Variants in GALNT14 observed in about 807,000 individuals in gnomAD.
GALNT14 encodes the protein UDP-GalNAc:polypeptide N-acetylgalactosaminyltransferase 14.
Under a neutral mutation model 77.5 loss-of-function variants are expected in GALNT14, and 60 were observed. That is an observed-to-expected ratio of 0.77 (90% CI 0.63 to 0.96). The LOEUF (loss-of-function observed/expected upper bound fraction) is 0.96. Among genes scored for constraint, GALNT14 ranks in the 40% least tolerant of loss-of-function variants. GALNT14 has a pLI of 0.00. For synonymous variants in GALNT14, 280 were observed against 281.7 expected (o/e 0.99, Z 0.06); for missense variants, 710 against 731.0 (o/e 0.97, Z 0.33).
At position 30,947,397 on chromosome 2, in the gene GALNT14, T is replaced by C. The variant is rs186387942; in HGVS notation, c.655-1527A>G. The stretch of plus-strand genomic sequence containing the variant: ...GGCCACCCCATCTACGGCATCAAAA[T>C]CATGCAGGAAACATTTTCAAAATAT... On this transcript the variant is annotated intron_variant, in intron 6 of 14. Transcript: ENST00000349752. Among the ~76,000 whole-genome samples the C allele has an allele frequency of 2.4e-4, 36 of 152,270 alleles. No homozygotes were observed. In the Middle Eastern group the frequency reaches 0.014, roughly 58 times the overall value.
At chr2:31,127,754 A>G (rs573416864) in intron 1 of GALNT14, among the ~76,000 whole-genome samples, 2 of 152,364 alleles carry the variant, frequency 1.3e-5, no homozygotes, top group South Asian at 4.1e-4. Flanking sequence ...GAGAAAAGCT[A>G]AAATCTGGAG....
At chr2:30,967,261 T>G (rs1033931814) in intron 2 of GALNT14, among the ~76,000 whole-genome samples, 6 of 152,174 alleles carry the variant, frequency 3.9e-5, no homozygotes, top group African/African-American at 7.2e-5. Flanking sequence ...GCAAACTGTG[T>G]GTATAAATGT....
intron 1 of GALNT14, among the ~76,000 whole-genome samples, chr2:31,025,682 AGG>A (rs1672004225): frequency 1.3e-5 from 2 of 152,294 alleles, no homozygotes; most frequent in South Asian, 4.1e-4. Flanking sequence ...TGGCAATGAG[AGG>A]GCAAGTGCAT....
intron 1 of GALNT14, among the ~76,000 whole-genome samples, chr2:31,010,534 G>GAA (rs1024173914): frequency 5.9e-5 from 9 of 152,212 alleles, no homozygotes; most frequent in African/African-American, 2.2e-4. Context: ...AGAATGGCGT[G>GAA]AACCCGGGAG....
intron 1 of GALNT14, among the ~76,000 whole-genome samples, chr2:31,006,404 C>T (rs1427676686): frequency 6.6e-6 from 1 of 152,044 alleles, no homozygotes; most frequent in Non-Finnish European, 1.5e-5. Context: ...TAAGAATGTC[C>T]CTCGTTCTAT....
At chr2:31,114,182 C>T (rs1258223205) in intron 1 of GALNT14, among the ~76,000 whole-genome samples, 3 of 152,052 alleles carry the variant, frequency 2.0e-5, no homozygotes, top group East Asian at 1.9e-4. Context: ...AGCCACCTTT[C>T]GTGTTTCTTT....
At chr2:31,097,163 C>T (rs1677043849) in intron 1 of GALNT14, among the ~76,000 whole-genome samples, 1 of 152,072 alleles carries the variant, frequency 6.6e-6, no homozygotes, top group South Asian at 2.1e-4. Flanking sequence ...TCTTCCCATC[C>T]TCCTGAGTTC....
At chr2:30,907,390 C>G (rs1664173285), downstream of GALNT14, among the ~76,000 whole-genome samples, 2 of 152,140 alleles carry the variant, frequency 1.3e-5, no homozygotes, top group Admixed American at 6.6e-5. Flanking sequence ...CACCACCGAT[C>G]CCACAGAAAT....
At chr2:31,075,740 T>C (rs1386401940) in intron 1 of GALNT14, among the ~76,000 whole-genome samples, 2 of 152,208 alleles carry the variant, frequency 1.3e-5, no homozygotes, top group African/African-American at 4.8e-5. Flanking sequence ...ATCACACATA[T>C]TCCATCTCAA....
At chr2:30,954,121 A>G (rs1667213698) in intron 6 of GALNT14, among the ~76,000 whole-genome samples, 1 of 152,112 alleles carries the variant, frequency 6.6e-6, no homozygotes, top group African/African-American at 2.4e-5. Context: ...GGCCCCACAG[A>G]GCAAGCGGGT....
chr2:31,024,648 G>T (rs9679162), intron 1 of GALNT14, among the ~76,000 whole-genome samples: 72,812 of 152,050 alleles, frequency 0.48, 18,227 homozygotes, highest in African/African-American at 0.63. Flanking sequence ...GTCACCACCA[G>T]AGAGGTTATA....
chr2:30,894,800 G>GC, the GALNT14 span, among the ~76,000 whole-genome samples: 5 of 152,132 alleles, frequency 3.3e-5, no homozygotes, highest in Non-Finnish European at 7.3e-5. Flanking sequence ...TTAGCCTACG[G>GC]CCCCCCATTC....
chr2:31,008,197 G>C (rs995583988), intron 1 of GALNT14, among the ~76,000 whole-genome samples: 1 of 152,050 alleles, frequency 6.6e-6, no homozygotes, highest in Non-Finnish European at 1.5e-5. Flanking sequence ...CAATCCTCCC[G>C]ACTCAGCCTC....
At chr2:31,132,042 G>A (rs1411191247) in intron 1 of GALNT14, among the ~76,000 whole-genome samples, 1 of 152,202 alleles carries the variant, frequency 6.6e-6, no homozygotes, top group East Asian at 1.9e-4. Flanking sequence ...GTTAGGGAGA[G>A]ATAGAGCTCC....
intron 1 of GALNT14, among the ~76,000 whole-genome samples, chr2:31,013,071 C>T (rs1227948634): frequency 6.6e-6 from 1 of 152,148 alleles, no homozygotes; most frequent in Non-Finnish European, 1.5e-5. Flanking sequence ...TAAAGGGTTC[C>T]AGTCCTGGCT....
chr2:31,057,791 C>T (rs1440823878), intron 1 of GALNT14, among the ~76,000 whole-genome samples: 2 of 152,232 alleles, frequency 1.3e-5, no homozygotes, highest in African/African-American at 2.4e-5. Flanking sequence ...TTTTCCACCC[C>T]GCCCTGAGCC....
chr2:31,123,880 T>C (rs11903753), intron 1 of GALNT14, among the ~76,000 whole-genome samples: 118,563 of 152,074 alleles, frequency 0.78, 46,327 homozygotes, highest in East Asian at 0.91. Context: ...AGCTATCCAT[T>C]TTGCAGTTCC....
chr2:30,971,099 G>C (rs1386692721), intron 2 of GALNT14, among the ~76,000 whole-genome samples: 5 of 152,088 alleles, frequency 3.3e-5, no homozygotes, highest in African/African-American at 7.2e-5. Flanking sequence ...ATGAGCATGG[G>C]GATAGGCAGC....
At chr2:30,949,136 A>G (rs1251218766) in intron 6 of GALNT14, among the ~76,000 whole-genome samples, 2 of 152,178 alleles carry the variant, frequency 1.3e-5, no homozygotes, top group African/African-American at 4.8e-5. Flanking sequence ...AGGCTTTATA[A>G]TGAGTCACCA....
Sources: gnomAD v4.1 joint callset for allele counts (sites outside exome capture counted in the v4.1 genomes callset) on GRCh38, gnomAD v4.1.1 for gene constraint, MANE v1.5 for transcripts, NCBI Gene and HGNC (gene_info 2026-07-23, HGNC 2026-07-21) for gene names.